DNAJC1: variants seen among roughly 807,000 people sequenced by gnomAD.
The protein encoded by DNAJC1 is DnaJ heat shock protein family (Hsp40) member C1.
In DNAJC1, 58 loss-of-function variants were observed where a neutral mutation model predicts 76.6. The ratio of observed to expected loss-of-function variants is 0.76; its 90% CI spans 0.61 to 0.94. The LOEUF is 0.94. DNAJC1 is among the 40% of genes least tolerant of loss of function. The pLI, the probability that DNAJC1 is intolerant of heterozygous loss-of-function variation, is 0.00. For missense variants in DNAJC1, 689 were observed against 677.3 expected (o/e 1.02, Z -0.19); for synonymous variants, 258 against 267.9 (o/e 0.96, Z 0.36).
At chr10:21,993,166 C>T (rs1838354839) in intron 1 of DNAJC1, among the ~76,000 whole-genome samples, 1 of 151,966 alleles carries the variant, frequency 6.6e-6, no homozygotes. Flanking sequence ...AATTTATATA[C>T]TCAGCCTATA....
chr10:21,979,859 A>C (rs535842296), intron 1 of DNAJC1, among the ~76,000 whole-genome samples: 1 of 152,150 alleles, frequency 6.6e-6, no homozygotes, highest in East Asian at 1.9e-4. Context: ...TTTTGATAAT[A>C]ATCAAAGCTT....
At chr10:21,975,533 G>A (rs953274762) in intron 1 of DNAJC1, among the ~76,000 whole-genome samples, 1 of 152,124 alleles carries the variant, frequency 6.6e-6, no homozygotes, top group Non-Finnish European at 1.5e-5. Context: ...TAGCGGGAAA[G>A]TACTTAGCAA....
intron 1 of DNAJC1, among the ~76,000 whole-genome samples, chr10:21,983,584 G>C (rs1414782165): frequency 6.6e-6 from 1 of 152,156 alleles, no homozygotes; most frequent in Non-Finnish European, 1.5e-5. Flanking sequence ...GCCGGGTGTG[G>C]TGGCACTCGC....
At chr10:21,942,494 AATATAAGATAT>A (rs2131798049) in intron 1 of DNAJC1, among the ~76,000 whole-genome samples, 1 of 152,290 alleles carries the variant, frequency 6.6e-6, no homozygotes, top group African/African-American at 2.4e-5. Context: ...TATGTTTACA[AATATAAGATAT>A]ATATAAGATA....
chr10:21,765,210 G>T (rs770164358), intron 10 of DNAJC1, among the ~76,000 whole-genome samples: 1 of 152,146 alleles, frequency 6.6e-6, no homozygotes, highest in Non-Finnish European at 1.5e-5. Context: ...ACTCCAAGTT[G>T]AATTCTTTTA....
At chr10:21,903,756 A>G (rs1836698488) in intron 7 of DNAJC1, among the ~76,000 whole-genome samples, 1 of 152,192 alleles carries the variant, frequency 6.6e-6, no homozygotes, top group South Asian at 2.1e-4. Flanking sequence ...CCTGGGACAC[A>G]ACAGTGAACA....
chr10:21,956,819 A>AACACACACAC (rs3051926), intron 1 of DNAJC1, among the ~76,000 whole-genome samples: 5 of 142,124 alleles, frequency 3.5e-5, no homozygotes, highest in African/African-American at 1.3e-4. Context: ...GTTTATACAT[A>AACACACACAC]ACACACACAC....
At chr10:21,963,707 A>G (rs1837839845) in intron 1 of DNAJC1, among the ~76,000 whole-genome samples, 1 of 152,158 alleles carries the variant, frequency 6.6e-6, no homozygotes, top group Non-Finnish European at 1.5e-5. Flanking sequence ...TCTTATAAAC[A>G]GCGTACATTA....
At chr10:21,916,163 G>C (rs546173175) in intron 6 of DNAJC1, among the ~76,000 whole-genome samples, 1 of 152,234 alleles carries the variant, frequency 6.6e-6, no homozygotes, top group African/African-American at 2.4e-5. Context: ...ATGCCAGAAA[G>C]AGTACAAGAA....
chr10:21,817,733 A>T (rs1835097297), intron 8 of DNAJC1, among the ~76,000 whole-genome samples: 1 of 152,238 alleles, frequency 6.6e-6, no homozygotes. Flanking sequence ...GATTGTGAAG[A>T]TTTCATGGAC....
intron 1 of DNAJC1, among the ~76,000 whole-genome samples, chr10:21,947,487 T>C (rs750066902): frequency 5.3e-4 from 81 of 152,332 alleles, no homozygotes; most frequent in Non-Finnish European, 3.5e-4. Flanking sequence ...CCACTTCCAC[T>C]TAATGAATAG....
chr10:21,821,974 C>T (rs938936948), intron 8 of DNAJC1, among the ~76,000 whole-genome samples: 7 of 152,020 alleles, frequency 4.6e-5, no homozygotes, highest in African/African-American at 9.7e-5. Flanking sequence ...TCTACTATGG[C>T]GCATCCAGTA....
chr10:21,880,583 T>A (rs1590029616), intron 8 of DNAJC1, among the ~76,000 whole-genome samples: 1 of 152,196 alleles, frequency 6.6e-6, no homozygotes, highest in African/African-American at 2.4e-5. Flanking sequence ...GGTGACTAGG[T>A]ACACTGTCAA....
chr10:21,916,290 C>T (rs994150183), intron 6 of DNAJC1, among the ~76,000 whole-genome samples: 3 of 152,110 alleles, frequency 2.0e-5, no homozygotes, highest in Admixed American at 2.0e-4. Flanking sequence ...GAGATCGAGA[C>T]CATCCTGGCT....
chr10:21,906,868 T>C (rs1836754911), intron 6 of DNAJC1, among the ~76,000 whole-genome samples: 2 of 152,192 alleles, frequency 1.3e-5, no homozygotes, highest in Admixed American at 1.3e-4. Context: ...AGGCCTTATA[T>C]GTATGTTAGC....
chr10:21,833,660 A>G (rs969898413), intron 8 of DNAJC1, among the ~76,000 whole-genome samples: 1 of 152,160 alleles, frequency 6.6e-6, no homozygotes. Flanking sequence ...TGAGAATCAA[A>G]TAAGTTAATA....
At chr10:21,775,264 T>TCC (rs1834439540) in intron 9 of DNAJC1, among the ~76,000 whole-genome samples, 1 of 151,790 alleles carries the variant, frequency 6.6e-6, no homozygotes, top group African/African-American at 2.4e-5. Context: ...AATATTCAAG[T>TCC]TACTATGCAA....
intron 4 of DNAJC1, 42 bp from the exon 5 acceptor site, chr10:21,919,971 T>G: frequency 1.6e-6 from 2 of 1,275,348 alleles, no homozygotes; most frequent in South Asian, 1.3e-5. Flanking sequence ...ATCATTAACA[T>G]GTACACTTCA....
chr10:21,937,087 T>C (rs1038415738), intron 1 of DNAJC1, among the ~76,000 whole-genome samples: 2 of 152,126 alleles, frequency 1.3e-5, no homozygotes, highest in Admixed American at 6.5e-5. Context: ...AAATGACATA[T>C]AATGAAAATT....
Sources: gnomAD v4.1 joint callset for allele counts (sites outside exome capture counted in the v4.1 genomes callset) on GRCh38, gnomAD v4.1.1 for gene constraint, MANE v1.5 for transcripts, NCBI Gene and HGNC (gene_info 2026-07-23, HGNC 2026-07-21) for gene names.